PLA2G5: variants seen among roughly 807,000 people sequenced by gnomAD.
The protein encoded by PLA2G5 is Ca2+-dependent phospholipase A2.
PLA2G5 carries 12 observed loss-of-function variants against 15.9 expected under a neutral mutation model. That is an observed-to-expected ratio of 0.76 (90% CI 0.48 to 1.23). The LOEUF is 1.23. PLA2G5 is among the 50% of genes most tolerant of loss of function. The pLI is 0.00. For missense variants in PLA2G5, 169 were observed against 177.1 expected (o/e 0.95, Z 0.26); for synonymous variants, 71 against 71.4 (o/e 0.99, Z 0.03).
intron 1 of PLA2G5, among the ~76,000 whole-genome samples, chr1:20,057,352 A>G (rs1468966204): frequency 6.7e-6 from 1 of 150,190 alleles, no homozygotes; most frequent in African/African-American, 2.5e-5. Context: ...GTTCAATGCT[A>G]TACATTTTCC....
At chr1:20,041,296 T>C (rs2013583430) in intron 1 of PLA2G5, among the ~76,000 whole-genome samples, 3 of 152,176 alleles carry the variant, frequency 2.0e-5, no homozygotes, top group African/African-American at 7.2e-5. Flanking sequence ...CCTGTGTCTG[T>C]GTGAAGAGAC....
At chr1:20,039,412 A>G (rs2013463939) in intron 1 of PLA2G5, among the ~76,000 whole-genome samples, 1 of 152,188 alleles carries the variant, frequency 6.6e-6, no homozygotes, top group South Asian at 2.1e-4. Context: ...AGTAATGTTC[A>G]TAGAGGACAA....
chr1:20,041,968 A>G (rs527748804), intron 1 of PLA2G5, among the ~76,000 whole-genome samples: 1 of 152,244 alleles, frequency 6.6e-6, no homozygotes, highest in African/African-American at 2.4e-5. Flanking sequence ...CTTCCTTTGG[A>G]AGTAAAGCAG....
chr1:20,080,605 G>A (rs935600545), intron 1 of PLA2G5, among the ~76,000 whole-genome samples: 2 of 149,296 alleles, frequency 1.3e-5, no homozygotes, highest in African/African-American at 5.2e-5. Flanking sequence ...ATAAACAACT[G>A]CTTCTGAATA....
intron 2 of PLA2G5, among the ~76,000 whole-genome samples, chr1:20,064,951 A>G (rs890280912): frequency 6.6e-6 from 1 of 152,210 alleles, no homozygotes. Flanking sequence ...ACTTGTAGAC[A>G]CAGGAAAATT....
chr1:20,067,934 C>G (rs1235558855), upstream of PLA2G5, among the ~76,000 whole-genome samples: 3 of 152,134 alleles, frequency 2.0e-5, no homozygotes, highest in Non-Finnish European at 4.4e-5. Context: ...GCCTCGCCAA[C>G]ATGGTGGAAC....
chr1:20,052,130 C>T (rs1018864585), intron 1 of PLA2G5, among the ~76,000 whole-genome samples: 11 of 147,458 alleles, frequency 7.5e-5, no homozygotes, highest in African/African-American at 1.8e-4. Context: ...GCCGAGATCG[C>T]GCCACTGCAC....
intron 1 of PLA2G5, 118 bp downstream of exon 1, chr1:20,070,583 C>G: frequency 2.1e-6 from 1 of 468,694 alleles, no homozygotes; most frequent in Non-Finnish European, 2.8e-6. Flanking sequence ...GGGAGGTGCG[C>G]AGGCACAGCC....
rs756842473 is a variant in PLA2G5, at chr1:20,084,882, C to T, written c.40+12C>T. ...GTTCCTGGCTTGTAGTAAGTGCTGGCCCCGTGACCTTCGAATGAACTTTTA... is the reference window on the plus strand; with the variant it reads ...GTTCCTGGCTTGTAGTAAGTGCTGGTCCCGTGACCTTCGAATGAACTTTTA... On this transcript the variant is annotated intron_variant, in intron 2 of 4. Coordinates refer to ENST00000375108, the MANE Select transcript of PLA2G5 (RefSeq NM_000929.3). The T allele has an allele frequency of 6.3e-7, 1 of 1,590,572 alleles. No homozygotes were observed. The highest frequency in any genetic ancestry group is 1.1e-5 in the South Asian group (1 of 90,584).
upstream of PLA2G5, among the ~76,000 whole-genome samples, chr1:20,066,533 C>T (rs542568874): frequency 8.9e-4 from 136 of 152,334 alleles, no homozygotes; most frequent in African/African-American, 2.6e-3. Flanking sequence ...CAGGGATTTC[C>T]ACCTTCCTTA....
chr1:20,088,793 C>A (rs1441683759), intron 3 of PLA2G5: 1 of 152,826 alleles, frequency 6.5e-6, no homozygotes, highest in Non-Finnish European at 1.5e-5. Context: ...TGATTGTATC[C>A]CCCCAACCAT....
At chr1:20,033,204 A>G (rs2013061383) in intron 1 of PLA2G5, among the ~76,000 whole-genome samples, 1 of 152,172 alleles carries the variant, frequency 6.6e-6, no homozygotes, top group Non-Finnish European at 1.5e-5. Context: ...TGTTTTTGGC[A>G]ATGATGACAT....
intron 1 of PLA2G5, among the ~76,000 whole-genome samples, chr1:20,049,351 A>G (rs2014070771): frequency 6.6e-6 from 1 of 152,328 alleles, no homozygotes; most frequent in Middle Eastern, 3.4e-3. Context: ...GCTTGATGTA[A>G]AAAACTCATA....
At chr1:20,063,032 T>C (rs1337916759) in intron 2 of PLA2G5, among the ~76,000 whole-genome samples, 1 of 151,950 alleles carries the variant, frequency 6.6e-6, no homozygotes, top group Non-Finnish European at 1.5e-5. Flanking sequence ...AGAGAGTCTG[T>C]GTTTGGTTTA....
chr1:20,070,039 TA>T (rs2015267863), upstream of PLA2G5, among the ~76,000 whole-genome samples: 1 of 152,184 alleles, frequency 6.6e-6, no homozygotes, highest in South Asian at 2.1e-4. Context: ...CTGAGGGGAT[TA>T]GCAAAGGCTT....
At position 20,070,409 on chromosome 1, in the gene PLA2G5, A is replaced by C; in HGVS notation, c.-67A>C. On this transcript the variant is annotated 5_prime_UTR_variant, in exon 1 of 5. Transcript: ENST00000375108. ...GACCCGGGTCTCCAGGGTCTGCCCA[A>C]GGAAGTTGCTCATGGGAGCAGACCT... is the stretch of plus-strand genomic sequence containing the variant. 1.0e-6 allele frequency: 1 copy of C among 985,472 alleles called. No homozygotes were observed. The highest frequency in any genetic ancestry group is 1.2e-6 in the Non-Finnish European group (1 of 829,958). The allele number at this position is 985,472 out of a possible 1,614,324, so 61.0% of individuals were successfully genotyped here. A position where few individuals can be genotyped will look rare whatever the true frequency, so the allele number is the denominator to read the frequency against.
chr1:20,051,882 A>C (rs571743995), intron 1 of PLA2G5, among the ~76,000 whole-genome samples: 1 of 152,342 alleles, frequency 6.6e-6, no homozygotes, highest in Admixed American at 6.5e-5. Flanking sequence ...TTGGAACCTC[A>C]AGGGGAGAGG....
chr1:20,039,996 T>G (rs1046796792), intron 1 of PLA2G5, among the ~76,000 whole-genome samples: 3 of 152,224 alleles, frequency 2.0e-5, no homozygotes, highest in African/African-American at 7.2e-5. Flanking sequence ...TGGTATGGGT[T>G]TTGTTTTGAG....
intron 1 of PLA2G5, among the ~76,000 whole-genome samples, chr1:20,077,716 T>C (rs11573227): frequency 0.025 from 3,734 of 152,238 alleles, 71 homozygotes; most frequent in Non-Finnish European, 0.038. Flanking sequence ...TTTACACAGA[T>C]AAAACTGAGA....
Sources: gnomAD v4.1 joint callset for allele counts (sites outside exome capture counted in the v4.1 genomes callset) on GRCh38, gnomAD v4.1.1 for gene constraint, MANE v1.5 for transcripts, NCBI Gene and HGNC (gene_info 2026-07-23, HGNC 2026-07-21) for gene names.